ANKRD44: variants seen among roughly 807,000 people sequenced by gnomAD.
The protein encoded by ANKRD44 is serine/threonine-protein phosphatase 6 regulatory ankyrin repeat subunit B.
Under a neutral mutation model 116.0 loss-of-function variants are expected in ANKRD44, and 35 were observed. The observed-to-expected ratio is 0.30, with a 90% CI of 0.23 to 0.40. ANKRD44 has a LOEUF of 0.40. ANKRD44 is among the 10% of genes least tolerant of loss of function. The pLI is 1.00. For missense variants in ANKRD44, 1,014 were observed against 1,242.6 expected (o/e 0.82, Z 2.77); for synonymous variants, 435 against 461.8 (o/e 0.94, Z 0.74).
chr2:197,181,234 T>C (rs900950317), intron 2 of ANKRD44, among the ~76,000 whole-genome samples: 1 of 152,184 alleles, frequency 6.6e-6, no homozygotes, highest in Admixed American at 6.5e-5. Flanking sequence ...AAAAATTTTT[T>C]ATAAAGTAGA....
At position 197,237,844 on chromosome 2, in the gene ANKRD44, A is replaced by G. The variant is rs547023823; in HGVS notation, c.28-50738T>C. Among the ~76,000 whole-genome samples, 78 of 152,336 alleles carry G rather than the reference A, an allele frequency of 5.1e-4. 1 individual carries two copies. The highest frequency in any genetic ancestry group is 9.8e-4 in the Admixed American group (15 of 15,306). ...TTGACAAGTCAGCTTGGTTATTTCC[A>G]TGACTTTCCTTTCCATGCAGTGCAC... On this transcript the variant is annotated intron_variant, in intron 1 of 27. Coordinates refer to ENST00000282272, the MANE Select transcript of ANKRD44 (RefSeq NM_001195144.2).
At chr2:197,054,242 A>G (rs561741089) in intron 16 of ANKRD44, among the ~76,000 whole-genome samples, 1 of 152,350 alleles carries the variant, frequency 6.6e-6, no homozygotes, top group Non-Finnish European at 1.5e-5. Context: ...AAATATTTCT[A>G]TAGTATGTGA....
rs550133624 is a variant in ANKRD44, at chr2:197,008,370, G to A, written c.2013-447C>T. Reference sequence around the variant, plus strand: ...CTAAAGAAAAGTCTGTCAAGTCTCCGGGAAAGAATGAAGTGTTGTGATGCA... The same window carrying A: ...CTAAAGAAAAGTCTGTCAAGTCTCCAGGAAAGAATGAAGTGTTGTGATGCA... On this transcript the variant is annotated intron_variant, in intron 19 of 27. Coordinates refer to ENST00000282272, the MANE Select transcript of ANKRD44 (RefSeq NM_001195144.2). Among the ~76,000 whole-genome samples the A allele has an allele frequency of 7.2e-5, 11 of 152,302 alleles. No individual in the cohort carries two copies. In the East Asian group the frequency reaches 1.2e-3, roughly 16 times the overall value.
At chr2:196,971,751 G>A (rs966785997) in intron 21 of ANKRD44, among the ~76,000 whole-genome samples, 1 of 152,078 alleles carries the variant, frequency 6.6e-6, no homozygotes, top group African/African-American at 2.4e-5. Context: ...TTAGACCTGG[G>A]CCCCCTGCTA....
chr2:197,064,396 A>C (rs1176673560), intron 16 of ANKRD44, among the ~76,000 whole-genome samples: 1 of 152,250 alleles, frequency 6.6e-6, no homozygotes, highest in African/African-American at 2.4e-5. Flanking sequence ...GCATCGACTA[A>C]CGAGCAAAAT....
intron 16 of ANKRD44, among the ~76,000 whole-genome samples, chr2:197,036,043 A>G (rs1183712955): frequency 6.6e-6 from 1 of 152,134 alleles, no homozygotes; most frequent in East Asian, 1.9e-4. Flanking sequence ...AGCAGCAGTG[A>G]CCATCTCTTT....
chr2:196,989,990 A>AATC, intron 27 of ANKRD44: 1 of 1,048,886 alleles, frequency 9.5e-7, no homozygotes, highest in Non-Finnish European at 1.2e-6. Context: ...ATTTGGGTTC[A>AATC]ATCACTTAAG....
At chr2:197,119,075 G>C (rs1228531235) in intron 8 of ANKRD44, among the ~76,000 whole-genome samples, 1 of 151,780 alleles carries the variant, frequency 6.6e-6, no homozygotes, top group Non-Finnish European at 1.5e-5. Context: ...TTAACTATTT[G>C]CTTATCATGT....
chr2:197,027,063 T>C (rs965660024), intron 16 of ANKRD44, among the ~76,000 whole-genome samples: 1 of 151,872 alleles, frequency 6.6e-6, no homozygotes, highest in Non-Finnish European at 1.5e-5. Context: ...TTATAAAGCA[T>C]CTAAAAGTAC....
intron 16 of ANKRD44, among the ~76,000 whole-genome samples, chr2:197,069,386 C>A (rs541312007): frequency 6.6e-5 from 10 of 152,108 alleles, no homozygotes; most frequent in Non-Finnish European, 1.3e-4. Flanking sequence ...CAACTTGGCA[C>A]ATGTATACAT....
rs2079904441 is a variant in ANKRD44, at chr2:197,159,492, A to G, written c.112-12387T>C. ...GTAAATAATAAAAGACTTTCCTATT[A>G]AAAAAATACAGGTCTGCTCTAGCAA... On this transcript the variant is annotated intron_variant, in intron 2 of 27. Coordinates refer to ENST00000282272, the MANE Select transcript of ANKRD44 (RefSeq NM_001195144.2). Among the ~76,000 whole-genome samples, 3 of 148,236 alleles carry G rather than the reference A, an allele frequency of 2.0e-5. No homozygotes were observed. The South Asian group carries it at 6.2e-4, about 31-fold the overall frequency.
chr2:197,260,434 A>G (rs2105723651), intron 1 of ANKRD44, among the ~76,000 whole-genome samples: 1 of 152,314 alleles, frequency 6.6e-6, no homozygotes, highest in South Asian at 2.1e-4. Context: ...ATGGCTGCAT[A>G]GTATTCCATG....
chr2:197,151,750 G>A (rs2079657164), intron 2 of ANKRD44, among the ~76,000 whole-genome samples: 1 of 152,140 alleles, frequency 6.6e-6, no homozygotes, highest in Non-Finnish European at 1.5e-5. Context: ...AAAGAAACTT[G>A]CAGTCCACTG....
In ANKRD44 at chr2:197,277,235, C is replaced by T. The variant is rs145608018; in HGVS notation, c.27+33343G>A. Among the ~76,000 whole-genome samples, 11 of 152,160 alleles carry T rather than the reference C, an allele frequency of 7.2e-5. No individual in the cohort carries two copies. The East Asian group carries it at 1.4e-3, about 19-fold the overall frequency. The stretch of plus-strand genomic sequence containing the variant: ...CCTCAAGTGATATTGATCCTCTTCT[C>T]GGTTTGGTACCCACAAGTATAGAGG... On this transcript the variant is annotated intron_variant, in intron 1 of 27. Transcript: ENST00000282272.
At chr2:197,036,495 A>G (rs2076810199) in intron 16 of ANKRD44, among the ~76,000 whole-genome samples, 1 of 152,034 alleles carries the variant, frequency 6.6e-6, no homozygotes, top group Non-Finnish European at 1.5e-5. Context: ...CTGACCTCAA[A>G]TGATCCACCT....
intron 1 of ANKRD44, among the ~76,000 whole-genome samples, chr2:197,307,047 G>A (rs1056463170): frequency 6.6e-6 from 1 of 152,060 alleles, no homozygotes; most frequent in African/African-American, 2.4e-5. Flanking sequence ...CTGAAGATAC[G>A]ACCACACACT....
intron 18 of ANKRD44, 50 bp from the exon 19 acceptor site, chr2:197,009,081 A>G (rs1463386910): frequency 2.0e-6 from 3 of 1,466,794 alleles, no homozygotes; most frequent in Admixed American, 3.4e-5. Context: ...CACTACACAT[A>G]TCTCTTCCAA....
intron 21 of ANKRD44, among the ~76,000 whole-genome samples, chr2:196,979,382 C>CAAAA (rs778459937): frequency 4.1e-3 from 163 of 40,222 alleles, no homozygotes; most frequent in Non-Finnish European, 5.3e-3. Context: ...GACTCCGTCT[C>CAAAA]AAAAAAAAAA....
chr2:197,011,626 C>T (rs1054922718), intron 18 of ANKRD44, among the ~76,000 whole-genome samples: 1 of 152,042 alleles, frequency 6.6e-6, no homozygotes, highest in Non-Finnish European at 1.5e-5. Context: ...ATGCACACTA[C>T]CATGCCCAGC....
Sources: allele counts gnomAD v4.1 joint callset (sites outside exome capture counted in the v4.1 genomes callset), GRCh38; gene constraint gnomAD v4.1.1; transcripts MANE v1.5; gene names NCBI Gene and HGNC (gene_info 2026-07-23, HGNC 2026-07-21).